Variants in REC8 observed in about 807,000 individuals in gnomAD.
The protein encoded by REC8 is REC8 meiotic recombination protein.
In REC8, 42 loss-of-function variants were observed where a neutral mutation model predicts 78.3. The observed-to-expected ratio is 0.54, with a 90% CI of 0.42 to 0.69. The LOEUF is 0.69. Ranked by LOEUF, REC8 falls within the 30% of genes least tolerant of loss-of-function variation. REC8 has a pLI of 0.00. For synonymous variants in REC8, 268 were observed against 274.1 expected (o/e 0.98, Z 0.22); for missense variants, 581 against 715.8 (o/e 0.81, Z 2.15).
chr14:24,179,037 C>T (rs1243537990), intron 14 of REC8, 48 bp from the exon 15 acceptor site: 1 of 1,601,266 alleles, frequency 6.2e-7, no homozygotes. Context: ...CTTCTGAGGC[C>T]CAAGTCCCAG....
intron 15 of REC8, 38 bp downstream of exon 15, chr14:24,179,171 CT>C (rs1249256270): frequency 6.6e-7 from 1 of 1,504,522 alleles, no homozygotes. Flanking sequence ...GGACCACACC[CT>C]AACCACTGTC....
Position 24,172,318 on chromosome 14 carries a change from G to A in REC8, c.-235G>A, listed in dbSNP as rs1411742689. On this transcript the variant is annotated 5_prime_UTR_variant, in exon 1 of 19. Coordinates refer to ENST00000611366, the MANE Select transcript of REC8 (RefSeq NM_001048205.2). Reference sequence around the variant, plus strand: ...GCATCACGTGGCGTGCGGATCCACTGAGGGTCCACAGAGAGGGGCGCCCAT... The same window carrying A: ...GCATCACGTGGCGTGCGGATCCACTAAGGGTCCACAGAGAGGGGCGCCCAT... 3 of 555,118 alleles carry A rather than the reference G, an allele frequency of 5.4e-6. No homozygotes were observed. Among genetic ancestry groups the A allele is most frequent in the African/African-American group, 1.9e-5 (1 of 52,834 alleles). The allele number at this position is 555,118 out of a possible 1,614,324, so 34.4% of individuals were successfully genotyped here.
intron 12 of REC8, 114 bp downstream of exon 12, chr14:24,178,336 G>A (rs900977325): frequency 5.2e-5 from 52 of 998,080 alleles, no homozygotes; most frequent in Non-Finnish European, 7.4e-5. Context: ...TTGGGAACTT[G>A]ATGAAAAATC....
chr14:24,178,851 G>A lies in REC8; in HGVS notation c.1138G>A (p.Glu380Lys), dbSNP rs774558496. The A allele has an allele frequency of 1.2e-6, 2 of 1,613,486 alleles. No homozygotes were observed. Among genetic ancestry groups the A allele is most frequent in the Non-Finnish European group, 1.7e-6 (2 of 1,179,946 alleles). ...GCCACCCCCAAAAGCCCTCAGGCGA[G>A]AGCTGCCTGAGGAGGCAGCCGCTGA... ...AQPPPKALRR[E>K]LPEEAAAEEE... Residue 380 changes from glutamate to lysine, a missense_variant, in exon 14 of 19, where the codon GAG becomes AAG. Physicochemically the swap from Glu to Lys is moderately conservative, Grantham distance 56. Transcript: ENST00000611366.
At chr14:24,176,471 G>T (rs185530201) in intron 6 of REC8, among the ~76,000 whole-genome samples, 1 of 151,386 alleles carries the variant, frequency 6.6e-6, no homozygotes, top group East Asian at 2.0e-4. Flanking sequence ...AGCCTCCAGA[G>T]TAGCTGGGAC....
At chr14:24,178,290 G>A in intron 12 of REC8, 68 bp downstream of exon 12, 1 of 1,423,010 alleles carries the variant, frequency 7.0e-7, no homozygotes, top group Non-Finnish European at 9.8e-7. Context: ...CATGCAGGCT[G>A]AGCCTTCCAA....
chr14:24,180,892 G>T, downstream of REC8: 1 of 653,832 alleles, frequency 1.5e-6, no homozygotes, highest in Non-Finnish European at 2.6e-6. Context: ...AGGCATCCAA[G>T]ACAACTATGA....
At chr14:24,178,007 T>TG in intron 11 of REC8, 84 bp from the exon 12 acceptor site, 2 of 1,542,486 alleles carry the variant, frequency 1.3e-6, no homozygotes, top group South Asian at 2.5e-5. Context: ...GGGGCGGGTG[T>TG]GGGGTCCTGT....
chr14:24,175,640 C>G lies in REC8; in HGVS notation c.544+16C>G. The G allele has an allele frequency of 1.3e-6, 2 of 1,593,860 alleles. No homozygotes were observed. Among genetic ancestry groups the G allele is most frequent in the Non-Finnish European group, 1.7e-6 (2 of 1,161,764 alleles). ...AGGGAGCCAGGTCAGCAGAGAGAAC[C>G]TTCTTTCTGGTGAGAGGCATAGGCA... On this transcript the variant is annotated intron_variant, in intron 6 of 18. Coordinates refer to ENST00000611366, the MANE Select transcript of REC8 (RefSeq NM_001048205.2).
At position 24,179,783 on chromosome 14, in the gene REC8, G is replaced by A. The variant is rs769691021; in HGVS notation, c.1452-17G>A. The A allele has an allele frequency of 1.2e-6, 2 of 1,613,940 alleles. No individual in the cohort carries two copies. Among genetic ancestry groups the A allele is most frequent in the South Asian group, 1.1e-5 (1 of 91,070 alleles). ...ACCCGGGCTGAAGCCTCTGCTAATG[G>A]TTCTTGATCCCTATAGGGCAGTGGC... On this transcript the variant is annotated splice_polypyrimidine_tract_variant and intron_variant, in intron 17 of 18. Coordinates refer to ENST00000611366, the MANE Select transcript of REC8 (RefSeq NM_001048205.2).
Position 24,179,413 on chromosome 14 carries a change from A to G in REC8, c.1269A>G (p.Ala423=). ...CCCCAACAGAGATCTCCCTAGAGGC[A>G]GCTGAAGAGGAGAAGTCCCGCATCA... ...LMVSLEISLE[A]AEEEKSRISL... Residue 423 remains alanine (A), a synonymous_variant, in exon 16 of 19, where the codon GCA becomes GCG. Transcript: ENST00000611366. The G allele has an allele frequency of 6.2e-7, 1 of 1,614,112 alleles. No homozygotes were observed. The highest frequency in any genetic ancestry group is 8.5e-7 in the Non-Finnish European group (1 of 1,180,034).
chr14:24,178,780 G>T lies in REC8; in HGVS notation c.1067G>T (p.Gly356Val). The part of the protein sequence containing the change: ...AELFRTPTLS[G>V]WLPPELLGLW... ...CCTACTACCCTCTTGTCCACAGCTG[G>T]CTGGCTACCCCCTGAACTACTGGGT... is the stretch of plus-strand genomic sequence containing the variant. Residue 356 changes from glycine (G) to valine (V), a missense_variant, in exon 14 of 19, where the codon GGC (glycine) becomes GTC (valine). Transcript: ENST00000611366. The T allele has an allele frequency of 6.2e-7, 1 of 1,607,648 alleles. No individual in the cohort carries two copies.
At chr14:24,173,672 C>T (rs1012205690) in intron 5 of REC8, among the ~76,000 whole-genome samples, 1 of 152,150 alleles carries the variant, frequency 6.6e-6, no homozygotes, top group African/African-American at 2.4e-5. Flanking sequence ...ACTGCCAAGG[C>T]CCTAATCCAG....
rs889456505 is a variant in REC8, at chr14:24,179,867, C to A, written c.1519C>A (p.Pro507Thr). ...CAGCAGCCTGGTGTCACCTCTCAGCCCCCGCAGGATGGCTGCCCGGGTCTT... is the reference window on the plus strand; with the variant it reads ...CAGCAGCCTGGTGTCACCTCTCAGCACCCGCAGGATGGCTGCCCGGGTCTT... ...DFSSLVSPLS[P>T]RRMAARVFYL... Residue 507 changes from proline to threonine, a missense_variant, in exon 18 of 19, where the codon CCC becomes ACC. Physicochemically the swap from Pro to Thr is conservative, Grantham distance 38. Transcript: ENST00000611366. The A allele has an allele frequency of 1.2e-6, 2 of 1,613,806 alleles. No homozygotes were observed. The highest frequency in any genetic ancestry group is 1.7e-6 in the Non-Finnish European group (2 of 1,179,876).
At chr14:24,172,685 A>C (rs368977212) in intron 1 of REC8, 28 bp from the exon 2 acceptor site, 2 of 1,613,838 alleles carry the variant, frequency 1.2e-6, no homozygotes, top group Admixed American at 3.3e-5. Context: ...CTCCATCCCC[A>C]TTCTCCCACC....
At position 24,177,716 on chromosome 14, in the gene REC8, C is replaced by T. The variant is rs1453495916; in HGVS notation, c.822C>T (p.Thr274=). The change falls in exon 11 of 19, where the codon ACC becomes ACT. Residue 274 remains threonine (T), a synonymous_variant. Coordinates refer to ENST00000611366, the MANE Select transcript of REC8 (RefSeq NM_001048205.2). ...WEPGALLMEV[T]PPEELRLPAP... is the part of the protein sequence containing the mutation. The stretch of plus-strand genomic sequence containing the variant: ...CCTTGGGTGTTGTTGCAGAGGTGAC[C>T]CCCCCGGAGGAGCTGCGTCTGCCAG... 1.9e-6 allele frequency: 3 copies of T among 1,610,448 alleles called. No individual in the cohort carries two copies. Among genetic ancestry groups the T allele is most frequent in the Admixed American group, 1.7e-5 (1 of 59,180 alleles).
At position 24,177,336 on chromosome 14, in the gene REC8, T is replaced by G; in HGVS notation, c.707-17T>G. The G allele has an allele frequency of 1.2e-6, 2 of 1,614,212 alleles. No individual in the cohort carries two copies. The highest frequency in any genetic ancestry group is 8.5e-7 in the Non-Finnish European group (1 of 1,180,032). ...TTCTCTTTTTCTGTCCTCTGAACTCTGATTCTCTCTCCACAGTCCCGCGGC... is the reference window on the plus strand; with the variant it reads ...TTCTCTTTTTCTGTCCTCTGAACTCGGATTCTCTCTCCACAGTCCCGCGGC... On this transcript the variant is annotated splice_polypyrimidine_tract_variant and intron_variant, in intron 8 of 18. Transcript: ENST00000611366.
downstream of REC8, chr14:24,180,402 G>A (rs1312927000): frequency 6.3e-6 from 10 of 1,589,400 alleles, no homozygotes; most frequent in Admixed American, 1.7e-5. Flanking sequence ...TTAAGGCCTG[G>A]GCAGGCTCTA....
downstream of REC8, chr14:24,180,276 G>C (rs749801587): frequency 6.5e-7 from 1 of 1,532,592 alleles, no homozygotes; most frequent in Non-Finnish European, 8.8e-7. Context: ...TGACTCATTT[G>C]TAACAGATCC....
Sources: gnomAD v4.1 joint callset for allele counts (sites outside exome capture counted in the v4.1 genomes callset) on GRCh38, gnomAD v4.1.1 for gene constraint, MANE v1.5 for transcripts, NCBI Gene and HGNC (gene_info 2026-07-23, HGNC 2026-07-21) for gene names.